DOCK2: variants seen among roughly 807,000 people sequenced by gnomAD.
The protein encoded by DOCK2 is dedicator of cytokinesis 2.
A neutral mutation model predicts 248.9 loss-of-function variants in DOCK2; 87 were observed. The observed-to-expected ratio is 0.35, with a 90% CI of 0.29 to 0.42. The LOEUF (loss-of-function observed/expected upper bound fraction) is 0.42. DOCK2 is among the 10% of genes least tolerant of loss of function. The pLI, the probability that DOCK2 is intolerant of heterozygous loss-of-function variation, is 1.00. For missense variants in DOCK2, 1,747 were observed against 2,300.2 expected (o/e 0.76, Z 4.92); for synonymous variants, 805 against 821.6 (o/e 0.98, Z 0.35).
chr5:169,700,150 G>C lies in DOCK2; in HGVS notation c.1258+11G>C. Reference sequence around the variant, plus strand: ...AGATCATCATGCCAGGTGAGACACAGCTGCTCTGACCTTCCCCTGGGGACA... The same window carrying C: ...AGATCATCATGCCAGGTGAGACACACCTGCTCTGACCTTCCCCTGGGGACA... On this transcript the variant is annotated intron_variant, in intron 13 of 51. Transcript: ENST00000520908. The C allele has an allele frequency of 6.2e-7, 1 of 1,612,952 alleles. No individual in the cohort carries two copies. Among genetic ancestry groups the C allele is most frequent in the South Asian group, 1.1e-5 (1 of 90,978 alleles).
At chr5:169,789,672 G>T (rs1766205106) in intron 25 of DOCK2, among the ~76,000 whole-genome samples, 2 of 152,152 alleles carry the variant, frequency 1.3e-5, no homozygotes, top group Admixed American at 6.5e-5. Flanking sequence ...CTAAGTTTAT[G>T]ATACATTTCT....
chr5:169,896,885 G>T (rs1176213330), intron 27 of DOCK2, among the ~76,000 whole-genome samples: 1 of 99,960 alleles, frequency 1.0e-5, no homozygotes, highest in East Asian at 2.4e-4. Flanking sequence ...GAAGATGAGA[G>T]GTAAAAAATA....
At chr5:169,669,207 A>ACAAAG (rs1453635910) in intron 2 of DOCK2, 81 bp from the exon 3 acceptor site, 1 of 1,580,542 alleles carries the variant, frequency 6.3e-7, no homozygotes, top group African/African-American at 1.4e-5. Context: ...CTAGTTTAAA[A>ACAAAG]CAAAACAAAA....
intron 27 of DOCK2, among the ~76,000 whole-genome samples, chr5:169,854,090 TG>T (rs1445938638): frequency 6.6e-6 from 1 of 151,866 alleles, no homozygotes; most frequent in Non-Finnish European, 1.5e-5. Context: ...CCCAAAGTGC[TG>T]GGATTACAGG....
intron 27 of DOCK2, among the ~76,000 whole-genome samples, chr5:169,952,075 A>C (rs1405764878): frequency 6.6e-6 from 1 of 152,224 alleles, no homozygotes; most frequent in African/African-American, 2.4e-5. Flanking sequence ...CCTAAGCCCC[A>C]AGGGTTTCTC....
At chr5:169,820,166 C>T (rs1768339190) in intron 26 of DOCK2, among the ~76,000 whole-genome samples, 1 of 152,270 alleles carries the variant, frequency 6.6e-6, no homozygotes, top group Non-Finnish European at 1.5e-5. Context: ...AGGAGGCCTG[C>T]ATGCCTCTGT....
At chr5:170,026,251 C>T (rs142349224) in intron 33 of DOCK2, among the ~76,000 whole-genome samples, 2 of 152,298 alleles carry the variant, frequency 1.3e-5, no homozygotes, top group Non-Finnish European at 2.9e-5. Flanking sequence ...CCTTTATGCC[C>T]AGGAAAGAGC....
At chr5:169,998,134 A>T in intron 30 of DOCK2, 3 of 439,372 alleles carry the variant, frequency 6.8e-6, no homozygotes, top group Non-Finnish European at 1.4e-5. Context: ...ATGCAAAACC[A>T]TGTGGCTTCC....
chr5:169,719,303 C>G (rs1347014545), intron 22 of DOCK2, among the ~76,000 whole-genome samples: 1 of 152,176 alleles, frequency 6.6e-6, no homozygotes, highest in Non-Finnish European at 1.5e-5. Flanking sequence ...CAGAGGCCAG[C>G]TGCCTTTTTG....
intron 27 of DOCK2, among the ~76,000 whole-genome samples, chr5:169,939,432 A>G (rs1324515544): frequency 1.3e-5 from 2 of 152,184 alleles, no homozygotes; most frequent in African/African-American, 2.4e-5. Flanking sequence ...AGGCTGTTTT[A>G]TAGTTAATTT....
intron 27 of DOCK2, among the ~76,000 whole-genome samples, chr5:169,861,743 G>A (rs566347598): frequency 2.6e-5 from 4 of 152,218 alleles, no homozygotes; most frequent in East Asian, 3.9e-4. Context: ...TGTTCATCAG[G>A]AAAATGTTTA....
rs1310523571 is a variant in DOCK2 at position 169,771,345 on chromosome 5, G to A, written c.2554+9720G>A. Reference sequence around the variant, plus strand: ...GCCCAGGCTGGTGGAGTGCAGTGGCGTGATCTCGGCTCACTGCAACCTCTG... The same window carrying A: ...GCCCAGGCTGGTGGAGTGCAGTGGCATGATCTCGGCTCACTGCAACCTCTG... On this transcript the variant is annotated intron_variant, in intron 25 of 51. Coordinates refer to ENST00000520908, the MANE Select transcript of DOCK2 (RefSeq NM_004946.3). Among the ~76,000 whole-genome samples, 3 of 152,146 alleles carry A rather than the reference G, an allele frequency of 2.0e-5. 1 individual carries two copies. Among genetic ancestry groups the A allele is most frequent in the Non-Finnish European group, 4.4e-5 (3 of 68,018 alleles).
chr5:169,909,980 A>AT (rs1453621543), intron 27 of DOCK2, among the ~76,000 whole-genome samples: 3 of 151,628 alleles, frequency 2.0e-5, no homozygotes, highest in Non-Finnish European at 4.4e-5. Flanking sequence ...CTGCACCAGC[A>AT]TTTTTTTTAA....
At chr5:170,068,563 C>A (rs1033613564) in intron 45 of DOCK2, among the ~76,000 whole-genome samples, 1 of 152,172 alleles carries the variant, frequency 6.6e-6, no homozygotes, top group Non-Finnish European at 1.5e-5. Flanking sequence ...TCATTGGTAA[C>A]CCTTTGCTCA....
At chr5:169,930,179 T>C (rs1012771956) in intron 27 of DOCK2, among the ~76,000 whole-genome samples, 9 of 152,002 alleles carry the variant, frequency 5.9e-5, no homozygotes, top group Non-Finnish European at 1.3e-4. Context: ...TTAGTAGAGA[T>C]GGGGGTTTCA....
chr5:169,654,479 G>A lies in DOCK2; in HGVS notation c.120G>A (p.Thr40=), dbSNP rs531692992. 5 of 1,614,026 alleles carry A rather than the reference G, an allele frequency of 3.1e-6. No homozygotes were observed. Among genetic ancestry groups the A allele is most frequent in the Admixed American group, 1.7e-5 (1 of 60,006 alleles). ...QIGDVVRIQE[T]CGDWYRGYLI... ...GCGATGTGGTGCGAATACAGGAGACGTGTGGAGGTGAGTCACTGGCCCACG... is the reference window on the plus strand; with the variant it reads ...GCGATGTGGTGCGAATACAGGAGACATGTGGAGGTGAGTCACTGGCCCACG... The change falls in exon 2 of 52, where the codon ACG becomes ACA. Residue 40 remains threonine (T), a synonymous_variant. Transcript: ENST00000520908.
At chr5:169,952,649 G>A (rs762690980) in intron 27 of DOCK2, among the ~76,000 whole-genome samples, 7 of 152,128 alleles carry the variant, frequency 4.6e-5, no homozygotes, top group Non-Finnish European at 1.0e-4. Context: ...GAATAGAAGG[G>A]ATGCACAGCA....
chr5:169,838,187 G>T (rs1769709771), intron 26 of DOCK2, among the ~76,000 whole-genome samples: 1 of 152,170 alleles, frequency 6.6e-6, no homozygotes, highest in Admixed American at 6.5e-5. Flanking sequence ...ACAGATGGAA[G>T]GTGGATGATG....
chr5:170,053,483 CT>C (rs1231724191), intron 41 of DOCK2, among the ~76,000 whole-genome samples: 3 of 152,190 alleles, frequency 2.0e-5, no homozygotes, highest in East Asian at 3.9e-4. Context: ...ACAAAATACT[CT>C]TTTTCCCTCC....
Sources: allele counts gnomAD v4.1 joint callset (sites outside exome capture counted in the v4.1 genomes callset), GRCh38; gene constraint gnomAD v4.1.1; transcripts MANE v1.5; gene names NCBI Gene and HGNC (gene_info 2026-07-23, HGNC 2026-07-21).